Variants in MAP3K1 observed in about 807,000 individuals in gnomAD.
The protein encoded by MAP3K1 is MAP/ERK kinase kinase 1.
A neutral mutation model predicts 144.2 loss-of-function variants in MAP3K1; 36 were observed. That is an observed-to-expected ratio of 0.25 (90% CI 0.19 to 0.33). The LOEUF (loss-of-function observed/expected upper bound fraction) is 0.33. Among genes scored for constraint, MAP3K1 ranks in the 10% least tolerant of loss-of-function variants. The pLI is 1.00. For synonymous variants in MAP3K1, 718 were observed against 688.7 expected, an observed-to-expected ratio of 1.04 and a Z score of -0.67; for missense variants, 1,650 against 1,881.9, an observed-to-expected ratio of 0.88 and a Z score of 2.28.
intron 6 of MAP3K1, among the ~76,000 whole-genome samples, chr5:56,869,453 T>C (rs1056701095): frequency 3.3e-5 from 5 of 149,534 alleles, no homozygotes; most frequent in African/African-American, 1.2e-4. Context: ...ATGGTTAAGA[T>C]GGTAAATTTT....
chr5:56,861,537 C>T (rs1747510082), intron 3 of MAP3K1, among the ~76,000 whole-genome samples: 1 of 144,446 alleles, frequency 6.9e-6, no homozygotes, highest in African/African-American at 2.6e-5. Context: ...CACGCCACTG[C>T]TCTCCAGCCT....
intron 6 of MAP3K1, among the ~76,000 whole-genome samples, chr5:56,871,671 T>G (rs926639368): frequency 2.0e-5 from 3 of 152,182 alleles, no homozygotes; most frequent in Non-Finnish European, 4.4e-5. Flanking sequence ...GTCTGTGTAT[T>G]GAATTGTTTT....
chr5:56,881,306 C>G, intron 13 of MAP3K1, 34 bp downstream of exon 13: 4 of 1,549,314 alleles, frequency 2.6e-6, no homozygotes, highest in Non-Finnish European at 3.6e-6. Flanking sequence ...TTACTTGTAT[C>G]TTCCTACCCT....
intron 1 of MAP3K1, chr5:56,820,386 ATTATTT>A (rs2111744861): frequency 3.1e-6 from 3 of 969,684 alleles, no homozygotes; most frequent in South Asian, 4.8e-5. Flanking sequence ...AAATTAATTG[ATTATTT>A]TTAAGGAGAA....
Position 56,881,183 on chromosome 5 carries a change from T to C in MAP3K1, c.2280T>C (p.Leu760=). Residue 760 remains leucine, a synonymous_variant, in exon 13 of 20, where the codon CTT becomes CTC. Transcript: ENST00000399503. ...AAGAACTTCTTGGCCGCCTTTGTCT[T>C]ATAGATAGACTGTTGTTGGAATTTC... ...NWQELLGRLC[L]IDRLLLEFPA... The C allele has an allele frequency of 6.2e-7, 1 of 1,613,854 alleles. No individual in the cohort carries two copies. Among genetic ancestry groups the C allele is most frequent in the Middle Eastern group, 1.7e-4 (1 of 6,058 alleles).
At position 56,882,019 on chromosome 5, in the gene MAP3K1, G is replaced by A; in HGVS notation, c.2819G>A (p.Ser940Asn). 4 of 1,529,278 alleles carry A rather than the reference G, an allele frequency of 2.6e-6. No individual in the cohort carries two copies. The highest frequency in any genetic ancestry group is 3.5e-6 in the Non-Finnish European group (4 of 1,138,712). 94.7% of individuals were successfully genotyped at this position (1,529,278 alleles called of 1,614,324 possible). A position where few individuals can be genotyped will look rare whatever the true frequency, so the allele number is the denominator to read the frequency against. Residue 940 changes from serine (S) to asparagine (N), a missense_variant, in exon 14 of 20, where the codon AGT becomes AAT. Ser to Asn is a conservative substitution (Grantham distance 46, BLOSUM62 1). Coordinates refer to ENST00000399503, the MANE Select transcript of MAP3K1 (RefSeq NM_005921.2). ...GCCAGCATTTCAGTAGGACCTTCTA[G>A]TTCAACAACAACAACAACAACAACA... ...RLASISVGPS[S>N]STTTTTTTTE...
At chr5:56,821,436 T>C (rs1387666678) in intron 1 of MAP3K1, among the ~76,000 whole-genome samples, 3 of 152,228 alleles carry the variant, frequency 2.0e-5, no homozygotes, top group African/African-American at 7.2e-5. Flanking sequence ...CACAGTACTG[T>C]AGTTAGTACG....
chr5:56,876,543 C>G (rs1748037502), intron 10 of MAP3K1, among the ~76,000 whole-genome samples: 1 of 152,068 alleles, frequency 6.6e-6, no homozygotes, highest in South Asian at 2.1e-4. Context: ...ATTTATCATT[C>G]CAACCACAAT....
At chr5:56,833,468 GA>G (rs1475425492) in intron 1 of MAP3K1, among the ~76,000 whole-genome samples, 2 of 152,126 alleles carry the variant, frequency 1.3e-5, no homozygotes, top group Non-Finnish European at 2.9e-5. Context: ...GTAGTAAGGG[GA>G]GAGTGAACAC....
chr5:56,847,282 G>A (rs1198388338), intron 1 of MAP3K1, among the ~76,000 whole-genome samples: 1 of 152,170 alleles, frequency 6.6e-6, no homozygotes, highest in African/African-American at 2.4e-5. Flanking sequence ...CATCCATAAT[G>A]TTTGTATGTT....
At position 56,885,976 on chromosome 5, in the gene MAP3K1, G is replaced by C. The variant is rs1248467217; in HGVS notation, c.4027G>C (p.Glu1343Gln). Residue 1343 changes from glutamate to glutamine, a missense_variant, in exon 17 of 20, where the codon GAA (glutamate) becomes CAA (glutamine). Physicochemically the swap from Glu to Gln is conservative, Grantham distance 29. Coordinates refer to ENST00000399503, the MANE Select transcript of MAP3K1 (RefSeq NM_005921.2). ...GCTGAGTAAATATGGAGCCTTCAAA[G>C]AATCAGTAGTTATTAACTACACTGA... is the stretch of plus-strand genomic sequence containing the variant. ...HLLSKYGAFK[E>Q]SVVINYTEQL... is the part of the protein sequence containing the mutation. 6.2e-7 allele frequency: 1 copy of C among 1,612,608 alleles called. No homozygotes were observed. Among genetic ancestry groups the C allele is most frequent in the South Asian group, 1.1e-5 (1 of 91,044 alleles).
At chr5:56,886,265 A>G (rs1214556665) in intron 17 of MAP3K1, among the ~76,000 whole-genome samples, 2 of 152,232 alleles carry the variant, frequency 1.3e-5, no homozygotes, top group African/African-American at 4.8e-5. Flanking sequence ...TTAACAGGGT[A>G]AGGTGGCGCA....
At chr5:56,873,259 T>TA (rs1747915550) in intron 9 of MAP3K1, among the ~76,000 whole-genome samples, 1 of 152,216 alleles carries the variant, frequency 6.6e-6, no homozygotes, top group African/African-American at 2.4e-5. Context: ...CTAACGGACA[T>TA]ACGGGGTTAT....
chr5:56,845,926 G>C (rs377293605), intron 1 of MAP3K1, among the ~76,000 whole-genome samples: 3 of 152,184 alleles, frequency 2.0e-5, no homozygotes, highest in African/African-American at 7.2e-5. Flanking sequence ...CCTTAAGCCT[G>C]ATGGATGTTC....
At chr5:56,861,969 A>G (rs1747528742) in intron 3 of MAP3K1, 1 of 152,254 alleles carries the variant, frequency 6.6e-6, no homozygotes, top group African/African-American at 2.4e-5. Flanking sequence ...AACATTTTAC[A>G]GTAAAACCTG....
At position 56,882,050 on chromosome 5, in the gene MAP3K1, G is replaced by A. The variant is rs759376161; in HGVS notation, c.2850G>A (p.Glu950=). ...CAACAACAACAACAACAACAACAGAGCAACCAAAGCCAATGGTTCAAACAA... is the reference window on the plus strand; with the variant it reads ...CAACAACAACAACAACAACAACAGAACAACCAAAGCCAATGGTTCAAACAA... ...SSTTTTTTTT[E]QPKPMVQTKG... Residue 950 remains glutamate (E), a synonymous_variant, in exon 14 of 20, where the codon GAG becomes GAA. Transcript: ENST00000399503. The A allele has an allele frequency of 2.5e-6, 4 of 1,613,396 alleles. No individual in the cohort carries two copies. Among genetic ancestry groups the A allele is most frequent in the South Asian group, 1.1e-5 (1 of 91,052 alleles).
intron 1 of MAP3K1, among the ~76,000 whole-genome samples, chr5:56,851,243 G>T (rs1747161369): frequency 6.6e-6 from 1 of 152,300 alleles, no homozygotes; most frequent in Admixed American, 6.5e-5. Context: ...ACCGTGCCCG[G>T]CCAGGATTCT....
rs775802110 is a variant in MAP3K1 at position 56,872,914 on chromosome 5, G to A, written c.1595G>A (p.Arg532Gln). 11 of 1,613,984 alleles carry A rather than the reference G, an allele frequency of 6.8e-6. No individual in the cohort carries two copies. The Admixed American group carries it at 8.3e-5, about 12-fold the overall frequency. Residue 532 changes from arginine (R) to glutamine (Q), a missense_variant, in exon 9 of 20, where the codon CGA becomes CAA. Physicochemically the swap from Arg to Gln is conservative, Grantham distance 43. Transcript: ENST00000399503. The stretch of plus-strand genomic sequence containing the variant: ...CAGCAGCAGCCTTTGGCTGGATCAC[G>A]AAGGAATCAAGAGAGCAATTTTAAC... ...TVQQQPLAGS[R>Q]RNQESNFNLT...
intron 1 of MAP3K1, among the ~76,000 whole-genome samples, chr5:56,835,824 G>A (rs1331083135): frequency 6.6e-6 from 1 of 151,992 alleles, no homozygotes; most frequent in Non-Finnish European, 1.5e-5. Flanking sequence ...ATTTCTCAAG[G>A]AGATGGCGGC....
Sources: gnomAD v4.1 joint callset for allele counts (sites outside exome capture counted in the v4.1 genomes callset) on GRCh38, gnomAD v4.1.1 for gene constraint, MANE v1.5 for transcripts, NCBI Gene and HGNC (gene_info 2026-07-23, HGNC 2026-07-21) for gene names.